The following C11orf65 variants were observed in gnomAD, a reference collection of about 807,000 sequenced individuals.
C11orf65 encodes chromosome 11 open reading frame 65.
C11orf65 carries 38 observed loss-of-function variants against 35.3 expected under a neutral mutation model. The ratio of observed to expected loss-of-function variants is 1.08; its 90% CI spans 0.83 to 1.41. The LOEUF (loss-of-function observed/expected upper bound fraction) is 1.41, where lower values mean the gene tolerates loss of function less well. C11orf65 is among the 40% of genes most tolerant of loss of function. C11orf65 has a pLI of 0.00. For synonymous variants in C11orf65, 105 were observed against 114.4 expected (o/e 0.92, Z 0.53); for missense variants, 370 against 367.1 (o/e 1.01, Z -0.06).
chr11:108,460,812 G>A (rs1399545801), intron 2 of C11orf65, among the ~76,000 whole-genome samples: 3 of 151,846 alleles, frequency 2.0e-5, no homozygotes, highest in East Asian at 1.9e-4. Flanking sequence ...CACAACCTCC[G>A]CCTCCCAAGT....
intron 3 of C11orf65, among the ~76,000 whole-genome samples, chr11:108,428,970 G>T (rs1043936600): frequency 2.0e-5 from 3 of 151,910 alleles, no homozygotes; most frequent in African/African-American, 7.3e-5. Context: ...AACCTAGGGA[G>T]ATCCCATCTC....
chr11:108,380,024 C>G (rs932385622), downstream of C11orf65, among the ~76,000 whole-genome samples: 2 of 152,204 alleles, frequency 1.3e-5, no homozygotes, highest in Non-Finnish European at 2.9e-5. Context: ...GTAAGTTACA[C>G]AGCAAGAGCC....
At chr11:108,425,900 G>A (rs1009607501) in intron 3 of C11orf65, among the ~76,000 whole-genome samples, 18 of 152,060 alleles carry the variant, frequency 1.2e-4, no homozygotes, top group Admixed American at 9.2e-4. Context: ...CAAAAACCAC[G>A]TGATTATCTC....
At chr11:108,357,639 T>C (rs530723017) in intron 2 of C11orf65, among the ~76,000 whole-genome samples, 71 of 152,198 alleles carry the variant, frequency 4.7e-4, no homozygotes, top group African/African-American at 1.7e-3. Flanking sequence ...TCCTGACCCC[T>C]GACCCCCGAG....
In C11orf65 at chr11:108,423,187, GT is replaced by G. The variant is rs970145094; in HGVS notation, c.174+8558del. ...TTGGGCAGACACCAAGCTAGCTGCA[GT>G]TTTTTTTCATACCCCAGTGGCACCT... On this transcript the variant is annotated intron_variant, in intron 3 of 8. Transcript: ENST00000393084. Among the ~76,000 whole-genome samples, 8 of 151,994 alleles carry G rather than the reference GT, an allele frequency of 5.3e-5. No homozygotes were observed. The East Asian group carries it at 9.7e-4, about 18-fold the overall frequency.
intron 6 of C11orf65, among the ~76,000 whole-genome samples, chr11:108,402,157 GA>G (rs1172052931): frequency 1.3e-5 from 2 of 152,202 alleles, no homozygotes; most frequent in African/African-American, 2.4e-5. Context: ...AGAAATAGTA[GA>G]GGGGGAATCC....
At chr11:108,439,053 G>T (rs945875012) in intron 2 of C11orf65, among the ~76,000 whole-genome samples, 10 of 152,086 alleles carry the variant, frequency 6.6e-5, no homozygotes, top group African/African-American at 2.4e-4. Flanking sequence ...ACTAACAAGA[G>T]AGTAAAAGGG....
At chr11:108,331,278 G>A, downstream of C11orf65, 1 of 1,376,694 alleles carries the variant, frequency 7.3e-7, no homozygotes, top group South Asian at 1.7e-5. Context: ...CCATTAGAAA[G>A]ACCTTCAGAT....
At chr11:108,456,913 A>G (rs1319564410) in intron 2 of C11orf65, among the ~76,000 whole-genome samples, 2 of 152,218 alleles carry the variant, frequency 1.3e-5, no homozygotes, top group Non-Finnish European at 2.9e-5. Flanking sequence ...GGGAGAAGAT[A>G]TTCAACACAT....
At chr11:108,352,324 A>G (rs1044697271) in intron 2 of C11orf65, among the ~76,000 whole-genome samples, 2 of 152,242 alleles carry the variant, frequency 1.3e-5, no homozygotes, top group Admixed American at 6.5e-5. Context: ...GTCTCAGTAT[A>G]GAAGTAGATA....
At chr11:108,325,599 TA>T in intron 6 of C11orf65, 3 of 1,422,184 alleles carry the variant, frequency 2.1e-6, no homozygotes, top group Non-Finnish European at 2.9e-6. Flanking sequence ...TTTTATTATT[TA>T]AAAAACAGAA....
downstream of C11orf65, chr11:108,327,818 C>T (rs1053656503): frequency 9.8e-6 from 12 of 1,219,796 alleles, no homozygotes; most frequent in African/African-American, 1.5e-4. Flanking sequence ...TTCATCTTTT[C>T]ATCAAGATCA....
intron 7 of C11orf65, among the ~76,000 whole-genome samples, chr11:108,390,253 C>T (rs558999257): frequency 4.0e-5 from 6 of 150,536 alleles, no homozygotes; most frequent in South Asian, 2.1e-4. Flanking sequence ...CTCGATCTCC[C>T]GACCTCATGA....
chr11:108,379,275 T>C (rs375013335), downstream of C11orf65, among the ~76,000 whole-genome samples: 47 of 152,166 alleles, frequency 3.1e-4, 1 homozygote, highest in South Asian at 8.5e-3. Context: ...GGCACATATA[T>C]ACCATGGAAT....
chr11:108,407,156 GA>G lies in C11orf65; in HGVS notation c.175-8del. Reference sequence around the variant, plus strand: ...CAGCATCTAGAAGCTCTGCCTATAAGAAAATATATTATTCTTATATATTATT... The same window carrying G: ...CAGCATCTAGAAGCTCTGCCTATAAGAAATATATTATTCTTATATATTATT... On this transcript the variant is annotated splice_region_variant and splice_polypyrimidine_tract_variant and intron_variant, in intron 3 of 8. Coordinates refer to ENST00000393084, the MANE Select transcript of C11orf65 (RefSeq NM_152587.5). The G allele has an allele frequency of 6.3e-7, 1 of 1,578,554 alleles. No homozygotes were observed. Among genetic ancestry groups the G allele is most frequent in the South Asian group, 1.1e-5 (1 of 87,678 alleles).
chr11:108,377,528 T>G (rs1377232064), intron 2 of C11orf65, among the ~76,000 whole-genome samples: 2 of 152,002 alleles, frequency 1.3e-5, no homozygotes, highest in Admixed American at 6.6e-5. Flanking sequence ...AATATCATAC[T>G]GAATGGGCAA....
intron 6 of C11orf65, among the ~76,000 whole-genome samples, chr11:108,323,753 A>G (rs2085401313): frequency 6.6e-6 from 1 of 152,218 alleles, no homozygotes; most frequent in Non-Finnish European, 1.5e-5. Flanking sequence ...TTTCTTTGGT[A>G]GAGAAATAGG....
Position 108,310,241 on chromosome 11 carries a change from T to C in C11orf65, c.641-1170A>G, listed in dbSNP as rs776150043. On this transcript the variant is annotated intron_variant, in intron 6 of 6. Coordinates refer to the C11orf65 transcript ENST00000525729. ...AAGTTGCCAAGGTAGCTCAGTCTTG[T>C]GCTGCTCACTTTACAGCTTTACTCT... 1 of 1,613,574 alleles carries C rather than the reference T, an allele frequency of 6.2e-7. No homozygotes were observed. The highest frequency in any genetic ancestry group is 2.2e-5 in the East Asian group (1 of 44,772).
At chr11:108,379,295 C>A (rs1721792264), downstream of C11orf65, among the ~76,000 whole-genome samples, 1 of 151,992 alleles carries the variant, frequency 6.6e-6, no homozygotes, top group Non-Finnish European at 1.5e-5. Context: ...TACTATGCAG[C>A]CATAAAAAAT....
Sources: gnomAD v4.1 joint callset for allele counts (sites outside exome capture counted in the v4.1 genomes callset) on GRCh38, gnomAD v4.1.1 for gene constraint, MANE v1.5 for transcripts, NCBI Gene and HGNC (gene_info 2026-07-23, HGNC 2026-07-21) for gene names.